The following RBFOX1 variants were observed in gnomAD, a reference collection of about 807,000 sequenced individuals.
The protein encoded by RBFOX1 is RNA binding fox-1 homolog 1.
RBFOX1 carries 8 observed loss-of-function variants against 57.7 expected under a neutral mutation model. The observed-to-expected ratio is 0.14, with a 90% CI of 0.08 to 0.25. The LOEUF is 0.25. RBFOX1 is among the 10% of genes least tolerant of loss of function. The pLI is 1.00. For synonymous variants in RBFOX1, 326 were observed against 222.4 expected, an observed-to-expected ratio of 1.47 and a Z score of -4.15; for missense variants, 611 against 548.5, an observed-to-expected ratio of 1.11 and a Z score of -1.14.
rs557830794 is a variant in RBFOX1 at position 6,840,601 on chromosome 16, G to C, written c.-16+185951G>C. Among the ~76,000 whole-genome samples the C allele has an allele frequency of 9.2e-5, 14 of 152,108 alleles. No homozygotes were observed. In the South Asian group the frequency reaches 2.5e-3, roughly 27 times the overall value. On this transcript the variant is annotated intron_variant, in intron 3 of 15. Coordinates refer to ENST00000550418, the MANE Select transcript of RBFOX1 (RefSeq NM_018723.4). ...ATGGGATTAGTGCCTTCATAAAAAG[G>C]CTTGAGTCTGGTCACAGTGGCTCAT... is the stretch of plus-strand genomic sequence containing the variant.
At chr16:6,499,728 A>G (rs1405253800) in intron 2 of RBFOX1, among the ~76,000 whole-genome samples, 1 of 152,016 alleles carries the variant, frequency 6.6e-6, no homozygotes, top group African/African-American at 2.4e-5. Context: ...TTATTGTGCA[A>G]TCTCGTAGGG....
At chr16:7,391,337 G>C (rs571645766) in intron 4 of RBFOX1, among the ~76,000 whole-genome samples, 1 of 152,278 alleles carries the variant, frequency 6.6e-6, no homozygotes, top group African/African-American at 2.4e-5. Flanking sequence ...TGGAGGTAGA[G>C]GAAAGAAGTT....
Position 6,900,352 on chromosome 16 carries a change from T to G in RBFOX1, c.-15-151705T>G, listed in dbSNP as rs368798088. 9.2e-5 allele frequency among the ~76,000 whole-genome samples: 14 copies of G among 152,362 alleles called. No individual in the cohort carries two copies. In the South Asian group the frequency reaches 2.9e-3, roughly 32 times the overall value. The stretch of plus-strand genomic sequence containing the variant: ...CCCCTGGAGCTACCACAAAATCCTT[T>G]AGGGATCCTTCTGTAACCTCTATCC... On this transcript the variant is annotated intron_variant, in intron 3 of 15. Transcript: ENST00000550418.
chr16:7,654,835 G>A (rs1166739821), intron 12 of RBFOX1, among the ~76,000 whole-genome samples: 1 of 152,168 alleles, frequency 6.6e-6, no homozygotes, highest in Non-Finnish European at 1.5e-5. Context: ...GGAATGGAGA[G>A]ATGCTATGTC....
At chr16:7,349,298 CCTT>C (rs1476944079) in intron 4 of RBFOX1, among the ~76,000 whole-genome samples, 4 of 152,162 alleles carry the variant, frequency 2.6e-5, no homozygotes, top group Admixed American at 2.0e-4. Context: ...TCTCATCACT[CCTT>C]CTCTCAAACC....
chr16:6,975,952 C>G (rs147906026), intron 3 of RBFOX1, among the ~76,000 whole-genome samples: 119 of 151,976 alleles, frequency 7.8e-4, no homozygotes, highest in African/African-American at 2.9e-3. Flanking sequence ...ATGGTGAAAC[C>G]CCATCTGTAC....
At chr16:6,563,068 C>T (rs1189069297) in intron 2 of RBFOX1, among the ~76,000 whole-genome samples, 3 of 151,828 alleles carry the variant, frequency 2.0e-5, no homozygotes. Flanking sequence ...GGGCAGGGGG[C>T]CATGGAGTAT....
At chr16:5,864,643 A>G (rs762704638) in intron 3 of RBFOX1, among the ~76,000 whole-genome samples, 2 of 151,866 alleles carry the variant, frequency 1.3e-5, no homozygotes, top group East Asian at 1.9e-4. Context: ...TAATGTCAGC[A>G]TATAAGAATC....
chr16:7,254,498 C>G (rs201106791), intron 4 of RBFOX1, among the ~76,000 whole-genome samples: 1 of 150,864 alleles, frequency 6.6e-6, no homozygotes, highest in Non-Finnish European at 1.5e-5. Context: ...CTCTCTCTCT[C>G]TTTTTTTTTA....
chr16:5,667,997 A>G (rs2049900553), intron 3 of RBFOX1, among the ~76,000 whole-genome samples: 1 of 152,070 alleles, frequency 6.6e-6, no homozygotes, highest in Non-Finnish European at 1.5e-5. Flanking sequence ...ATTTCTAGAA[A>G]TACACCATTT....
intron 13 of RBFOX1, among the ~76,000 whole-genome samples, chr16:7,667,719 C>A (rs376614590): frequency 2.6e-5 from 4 of 152,118 alleles, no homozygotes; most frequent in African/African-American, 4.8e-5. Context: ...CTCACTGTGT[C>A]GCCCAGGCTG....
intron 1 of RBFOX1, among the ~76,000 whole-genome samples, chr16:5,305,948 C>T (rs766440544): frequency 7.9e-5 from 12 of 152,102 alleles, no homozygotes; most frequent in Non-Finnish European, 1.6e-4. Context: ...CCCAATTACT[C>T]AGGAGGCCGG....
chr16:6,135,467 G>A (rs1017945721), intron 1 of RBFOX1, among the ~76,000 whole-genome samples: 1 of 152,132 alleles, frequency 6.6e-6, no homozygotes, highest in Non-Finnish European at 1.5e-5. Flanking sequence ...TTTGCCACTT[G>A]TCCTGAATCC....
chr16:7,076,134 C>T (rs899224374), intron 4 of RBFOX1, among the ~76,000 whole-genome samples: 3 of 151,630 alleles, frequency 2.0e-5, no homozygotes, highest in African/African-American at 4.9e-5. Flanking sequence ...CTCTGCCTCC[C>T]GGGTTCAAGT....
At chr16:7,557,779 G>T (rs1391727036) in intron 5 of RBFOX1, among the ~76,000 whole-genome samples, 3 of 151,920 alleles carry the variant, frequency 2.0e-5, no homozygotes. Context: ...TTAACAACTA[G>T]CTTGGTGGGG....
chr16:6,686,492 T>TTTAAG (rs1182981432), intron 3 of RBFOX1, among the ~76,000 whole-genome samples: 2 of 152,178 alleles, frequency 1.3e-5, no homozygotes, highest in African/African-American at 4.8e-5. Flanking sequence ...GGTTGTGTCG[T>TTTAAG]TTAAGTTCTG....
chr16:7,108,099 G>T (rs943572451), intron 4 of RBFOX1, among the ~76,000 whole-genome samples: 1 of 152,156 alleles, frequency 6.6e-6, no homozygotes, highest in African/African-American at 2.4e-5. Context: ...GAAATTAGAT[G>T]TGTGGATGAC....
chr16:5,318,423 C>G (rs1232123997), intron 1 of RBFOX1, among the ~76,000 whole-genome samples: 2 of 152,276 alleles, frequency 1.3e-5, no homozygotes, highest in South Asian at 2.1e-4. Flanking sequence ...GCCACCATGC[C>G]CAGCACATCT....
Position 5,264,825 on chromosome 16 carries a change from C to G in RBFOX1, c.219+24720C>G, listed in dbSNP as rs529569521. Among the ~76,000 whole-genome samples, 189 of 152,244 alleles carry G rather than the reference C, an allele frequency of 1.2e-3. 1 individual carries two copies. Among genetic ancestry groups the G allele is most frequent in the African/African-American group, 4.4e-3 (182 of 41,544 alleles). On this transcript the variant is annotated intron_variant, in intron 1 of 2. Coordinates refer to the RBFOX1 transcript ENST00000585867. The stretch of plus-strand genomic sequence containing the variant: ...CTGCTTGGTGATACTCCAGGTAATG[C>G]AACCCCCATTAGCCTTAGTCTTAGG...
Sources: allele counts gnomAD v4.1 joint callset (sites outside exome capture counted in the v4.1 genomes callset), GRCh38; gene constraint gnomAD v4.1.1; transcripts MANE v1.5; gene names NCBI Gene and HGNC (gene_info 2026-07-23, HGNC 2026-07-21).